SLC22A15: variants seen among roughly 807,000 people sequenced by gnomAD.
The protein encoded by SLC22A15 is flipt 1.
Under a neutral mutation model 62.7 loss-of-function variants are expected in SLC22A15, and 45 were observed. The ratio of observed to expected loss-of-function variants is 0.72; its 90% CI spans 0.56 to 0.92. The LOEUF is 0.92. SLC22A15 is among the 40% of genes least tolerant of loss of function. The pLI is 0.00. For synonymous variants in SLC22A15, 264 were observed against 267.0 expected, an observed-to-expected ratio of 0.99 and a Z score of 0.11; for missense variants, 622 against 665.6, an observed-to-expected ratio of 0.93 and a Z score of 0.72.
Position 115,976,523 on chromosome 1 carries a change from C to T in SLC22A15, c.-105C>T. Reference sequence around the variant, plus strand: ...GCCGCCAGCGCTTCCATCCCCGCCCCGGCGGGTCCAAGCCGGTGCCGGGCG... The same window carrying T: ...GCCGCCAGCGCTTCCATCCCCGCCCTGGCGGGTCCAAGCCGGTGCCGGGCG... On this transcript the variant is annotated 5_prime_UTR_variant, in exon 1 of 12. Transcript: ENST00000369503. The T allele has an allele frequency of 1.8e-6, 1 of 548,846 alleles. No homozygotes were observed. The highest frequency in any genetic ancestry group is 2.6e-6 in the Non-Finnish European group (1 of 381,264). The allele number at this position is 548,846 out of a possible 1,614,324, so 34.0% of individuals were successfully genotyped here.
chr1:116,020,976 T>A (rs1656806456), intron 4 of SLC22A15, 91 bp downstream of exon 4: 1 of 1,214,758 alleles, frequency 8.2e-7, no homozygotes, highest in Admixed American at 2.7e-5. Flanking sequence ...TGGAAATGCA[T>A]TTGGACTTGA....
At chr1:116,047,921 T>C (rs1378023398) in intron 8 of SLC22A15, among the ~76,000 whole-genome samples, 3 of 152,156 alleles carry the variant, frequency 2.0e-5, no homozygotes, top group African/African-American at 2.4e-5. Context: ...GACACACTTA[T>C]AGAAATGCAA....
chr1:116,034,228 A>T (rs1271133603), intron 6 of SLC22A15, among the ~76,000 whole-genome samples: 2 of 152,218 alleles, frequency 1.3e-5, no homozygotes, highest in African/African-American at 4.8e-5. Flanking sequence ...TTTACCAAAC[A>T]TATTCATATT....
rs778203431 is a variant in SLC22A15 at position 115,976,691 on chromosome 1, T to A, written c.64T>A (p.Phe22Ile). The change falls in exon 1 of 12, where the codon TTC (phenylalanine) becomes ATC (isoleucine). Residue 22 changes from phenylalanine (F) to isoleucine (I), a missense_variant. Physicochemically the swap from Phe to Ile is conservative, Grantham distance 21. Transcript: ENST00000369503. Reference protein sequence around the residue: ...EMGIYQMYLCFLLAVLLQLYV... With the variant: ...EMGIYQMYLCILLAVLLQLYV... ...GGGCATCTACCAGATGTACTTGTGCTTCCTGCTGGCCGTGCTGCTGCAGGT... is the reference window on the plus strand; with the variant it reads ...GGGCATCTACCAGATGTACTTGTGCATCCTGCTGGCCGTGCTGCTGCAGGT... The A allele has an allele frequency of 1.3e-6, 2 of 1,585,452 alleles. No individual in the cohort carries two copies. The highest frequency in any genetic ancestry group is 1.7e-6 in the Non-Finnish European group (2 of 1,167,492).
chr1:116,007,704 C>T (rs1656050848), intron 2 of SLC22A15, among the ~76,000 whole-genome samples: 1 of 152,202 alleles, frequency 6.6e-6, no homozygotes. Flanking sequence ...AACAACCCCA[C>T]TCTATTAGTG....
At chr1:116,012,759 A>T (rs1477769557) in intron 2 of SLC22A15, among the ~76,000 whole-genome samples, 1 of 152,234 alleles carries the variant, frequency 6.6e-6, no homozygotes. Flanking sequence ...GGCTTGACAT[A>T]TGATTTGTTG....
chr1:116,000,466 G>C (rs1272799203), intron 2 of SLC22A15, among the ~76,000 whole-genome samples: 2 of 151,858 alleles, frequency 1.3e-5, no homozygotes, highest in African/African-American at 2.4e-5. Context: ...TTACAAAGTT[G>C]TTCTAATTAT....
chr1:115,985,553 G>A (rs1189151122), intron 1 of SLC22A15, among the ~76,000 whole-genome samples: 1 of 151,912 alleles, frequency 6.6e-6, no homozygotes, highest in Non-Finnish European at 1.5e-5. Flanking sequence ...AATATAATGT[G>A]TTGCAAAGTT....
chr1:116,044,483 G>A (rs905023626), intron 8 of SLC22A15, among the ~76,000 whole-genome samples: 1 of 152,162 alleles, frequency 6.6e-6, no homozygotes, highest in Non-Finnish European at 1.5e-5. Flanking sequence ...CAGGAGAAAG[G>A]CCAGGATGTC....
At chr1:116,032,494 T>TGG in intron 6 of SLC22A15, 16 of 985,394 alleles carry the variant, frequency 1.6e-5, no homozygotes, top group Non-Finnish European at 1.8e-5. Context: ...TATATGAAAG[T>TGG]GATCTTATGT....
intron 8 of SLC22A15, among the ~76,000 whole-genome samples, chr1:116,040,910 A>G (rs1190294344): frequency 6.6e-6 from 1 of 152,218 alleles, no homozygotes; most frequent in African/African-American, 2.4e-5. Flanking sequence ...TGGCCAGATA[A>G]GAGTTTTAGA....
At chr1:116,035,504 C>T (rs1296436612) in intron 7 of SLC22A15, among the ~76,000 whole-genome samples, 177 bp downstream of exon 7, 1 of 152,126 alleles carries the variant, frequency 6.6e-6, no homozygotes, top group African/African-American at 2.4e-5. Flanking sequence ...TTTCTTAGTG[C>T]AGGATTTCTT....
intron 2 of SLC22A15, among the ~76,000 whole-genome samples, chr1:116,016,992 T>C (rs753077841): frequency 1.4e-4 from 21 of 152,212 alleles, no homozygotes; most frequent in Middle Eastern, 3.2e-3. Context: ...AATTCAATAT[T>C]CGTTCTTTGC....
At chr1:116,007,924 T>C (rs556019202) in intron 2 of SLC22A15, among the ~76,000 whole-genome samples, 1 of 152,196 alleles carries the variant, frequency 6.6e-6, no homozygotes, top group Non-Finnish European at 1.5e-5. Context: ...TTTGCTGTTG[T>C]CATTGCAGAG....
At chr1:115,989,272 A>C (rs949718949) in intron 1 of SLC22A15, among the ~76,000 whole-genome samples, 1 of 152,196 alleles carries the variant, frequency 6.6e-6, no homozygotes, top group African/African-American at 2.4e-5. Context: ...AATACTGATT[A>C]ATACAGATAA....
intron 1 of SLC22A15, among the ~76,000 whole-genome samples, chr1:115,983,719 A>T (rs1395169930): frequency 6.6e-6 from 1 of 152,136 alleles, no homozygotes; most frequent in Non-Finnish European, 1.5e-5. Flanking sequence ...CATAGAATTA[A>T]ACATGTACCT....
At chr1:116,006,951 T>C (rs1656013156) in intron 2 of SLC22A15, among the ~76,000 whole-genome samples, 1 of 152,188 alleles carries the variant, frequency 6.6e-6, no homozygotes, top group Non-Finnish European at 1.5e-5. Context: ...GTTATTCATC[T>C]GTCCTCTTTC....
chr1:115,985,640 A>G (rs1158026699), intron 1 of SLC22A15, among the ~76,000 whole-genome samples: 1 of 151,974 alleles, frequency 6.6e-6, no homozygotes, highest in Non-Finnish European at 1.5e-5. Flanking sequence ...TGGTGGTGTT[A>G]CCATTTTACT....
At chr1:116,049,512 A>G (rs1352436626) in intron 8 of SLC22A15, among the ~76,000 whole-genome samples, 2 of 152,212 alleles carry the variant, frequency 1.3e-5, no homozygotes, top group Non-Finnish European at 2.9e-5. Flanking sequence ...CAGGTCAAAA[A>G]CAAAATCAAG....
Sources: allele counts gnomAD v4.1 joint callset (sites outside exome capture counted in the v4.1 genomes callset), GRCh38; gene constraint gnomAD v4.1.1; transcripts MANE v1.5; gene names NCBI Gene and HGNC (gene_info 2026-07-23, HGNC 2026-07-21).